Variants in CNBD1 observed in about 807,000 individuals in gnomAD.
CNBD1 encodes the protein cyclic nucleotide binding domain containing 1, also known as cyclic nucleotide-binding domain-containing protein 1.
In CNBD1, 71 loss-of-function variants were observed where a neutral mutation model predicts 54.4. The observed-to-expected ratio is 1.30, with a 90% confidence interval of 1.08 to 1.59. The LOEUF (loss-of-function observed/expected upper bound fraction) is 1.59, where lower values mean the gene tolerates loss of function less well. Among genes scored for constraint, CNBD1 ranks in the 40% most tolerant of loss-of-function variants. The probability of loss-of-function intolerance (pLI) is 0.00; values close to 1 mark genes in which losing one functional copy is unlikely to be tolerated. For missense variants in CNBD1, 659 were observed against 518.0 expected (o/e 1.27, Z -2.64); for synonymous variants, 182 against 170.7 (o/e 1.07, Z -0.51).
At chr8:87,171,894 C>T (rs1813096468) in intron 4 of CNBD1, among the ~76,000 whole-genome samples, 1 of 152,106 alleles carries the variant, frequency 6.6e-6, no homozygotes, top group Non-Finnish European at 1.5e-5. Flanking sequence ...GTTTTGGCCT[C>T]CCAAAGTGCT....
chr8:87,335,736 A>G (rs1178390833), intron 8 of CNBD1, among the ~76,000 whole-genome samples: 5 of 152,176 alleles, frequency 3.3e-5, no homozygotes, highest in African/African-American at 9.7e-5. Flanking sequence ...TGTGAATTTT[A>G]TCATGTCGTC....
chr8:86,900,490 C>G (rs1455832186), intron 2 of CNBD1, among the ~76,000 whole-genome samples: 2 of 152,110 alleles, frequency 1.3e-5, no homozygotes, highest in African/African-American at 4.8e-5. Context: ...AGGCTTCTAG[C>G]CCTGTGATTT....
chr8:87,150,648 G>T (rs999213520), intron 4 of CNBD1, among the ~76,000 whole-genome samples: 2 of 152,122 alleles, frequency 1.3e-5, no homozygotes, highest in African/African-American at 2.4e-5. Context: ...TGAAACAAAA[G>T]GCAGGTCGAT....
intron 10 of CNBD1, among the ~76,000 whole-genome samples, chr8:87,375,880 T>A (rs1810919955): frequency 6.6e-6 from 1 of 151,910 alleles, no homozygotes; most frequent in African/African-American, 2.4e-5. Context: ...ATGTCTGTCT[T>A]TTCCTTTTTT....
chr8:87,293,542 C>CA (rs1395071284), intron 8 of CNBD1, among the ~76,000 whole-genome samples: 3 of 152,142 alleles, frequency 2.0e-5, no homozygotes, highest in Non-Finnish European at 4.4e-5. Context: ...GACTCCATCT[C>CA]AAAAAACAAA....
At chr8:86,955,248 A>C (rs1333872832) in intron 4 of CNBD1, among the ~76,000 whole-genome samples, 2 of 152,010 alleles carry the variant, frequency 1.3e-5, no homozygotes, top group African/African-American at 4.8e-5. Context: ...GACATTTGGG[A>C]TGGTTCCAAG....
intron 2 of CNBD1, among the ~76,000 whole-genome samples, chr8:87,408,959 T>A (rs557715873): frequency 1.3e-5 from 2 of 152,222 alleles, no homozygotes; most frequent in Non-Finnish European, 2.9e-5. Flanking sequence ...GACCTACGTG[T>A]TCCCTAAGGC....
chr8:87,202,373 G>T (rs1172243122), intron 4 of CNBD1, among the ~76,000 whole-genome samples: 2 of 152,142 alleles, frequency 1.3e-5, no homozygotes, highest in Non-Finnish European at 2.9e-5. Context: ...TTATAATATG[G>T]ATCATGGTTA....
Position 87,286,669 on chromosome 8 carries a change from A to T in CNBD1, c.1040A>T (p.His347Leu). Residue 347 changes from histidine to leucine, a missense_variant and splice_region_variant, in exon 8 of 11, where the codon CAT becomes CTT. Transcript: ENST00000518476. ...AAATGGAAAAAATTTCCTCCAGGTC[A>T]TGGTAAGTTTAATGCAATTTAGATC... is the stretch of plus-strand genomic sequence containing the variant. ...LLKWKKFPPG[H>L]VIVESGNIIS... 2 of 1,540,290 alleles carry T rather than the reference A, an allele frequency of 1.3e-6. No individual in the cohort carries two copies. The highest frequency in any genetic ancestry group is 2.4e-5 in the South Asian group (2 of 82,538).
At chr8:87,305,144 A>T (rs1809115030) in intron 8 of CNBD1, among the ~76,000 whole-genome samples, 1 of 152,094 alleles carries the variant, frequency 6.6e-6, no homozygotes, top group South Asian at 2.1e-4. Context: ...CGAGAACTCA[A>T]CACCTTTTAC....
chr8:87,234,201 C>T (rs1225512816), intron 5 of CNBD1, among the ~76,000 whole-genome samples: 1 of 152,124 alleles, frequency 6.6e-6, no homozygotes, highest in Non-Finnish European at 1.5e-5. Flanking sequence ...TCAAAGTCAT[C>T]CTTGAGGGTT....
At chr8:87,010,671 G>C (rs111521334) in intron 4 of CNBD1, among the ~76,000 whole-genome samples, 22 of 152,238 alleles carry the variant, frequency 1.4e-4, no homozygotes, top group African/African-American at 5.1e-4. Flanking sequence ...CTTGAACCTG[G>C]GAGGCAGAGG....
chr8:87,406,100 T>C (rs953254103), intron 2 of CNBD1, among the ~76,000 whole-genome samples: 3 of 152,116 alleles, frequency 2.0e-5, no homozygotes, highest in African/African-American at 4.8e-5. Flanking sequence ...ATTTGAAATA[T>C]GTATTTTCTT....
rs1169056536 is a variant in CNBD1 at position 87,163,753 on chromosome 8, T to C, written c.432-42240T>C. Among the ~76,000 whole-genome samples the C allele has an allele frequency of 1.3e-5, 2 of 151,880 alleles. No individual in the cohort carries two copies. Among genetic ancestry groups the C allele is most frequent in the Non-Finnish European group, 2.9e-5 (2 of 67,900 alleles). On this transcript the variant is annotated intron_variant, in intron 4 of 10. Coordinates refer to ENST00000518476, the MANE Select transcript of CNBD1 (RefSeq NM_173538.3). The surrounding 1 kb of genome is among the most constrained non-coding windows in gnomAD (Gnocchi z 4.5). ...TTTTTAAATATAAGATTATGTCATC[T>C]GCAAAAAGATAATTTTACTTTCTTA...
At chr8:86,997,605 C>T (rs1381481507) in intron 4 of CNBD1, among the ~76,000 whole-genome samples, 1 of 152,132 alleles carries the variant, frequency 6.6e-6, no homozygotes, top group African/African-American at 2.4e-5. Flanking sequence ...AAAAGTGGGG[C>T]ACATTCACTG....
At chr8:86,989,795 A>G (rs13249601) in intron 4 of CNBD1, among the ~76,000 whole-genome samples, 1 of 152,134 alleles carries the variant, frequency 6.6e-6, no homozygotes, top group Admixed American at 6.6e-5. Flanking sequence ...GTACTAATTT[A>G]CAATTCCCAT....
intron 2 of CNBD1, among the ~76,000 whole-genome samples, chr8:86,889,686 A>C (rs1808736635): frequency 6.6e-6 from 1 of 152,150 alleles, no homozygotes; most frequent in Admixed American, 6.6e-5. Context: ...GGATGATATC[A>C]CTTTGGATTT....
At chr8:87,116,353 C>T (rs979180067) in intron 4 of CNBD1, among the ~76,000 whole-genome samples, 1 of 151,684 alleles carries the variant, frequency 6.6e-6, no homozygotes, top group Non-Finnish European at 1.5e-5. Context: ...AGGCATGCAC[C>T]ACCACACCTG....
At chr8:87,090,319 G>C (rs1015512867) in intron 4 of CNBD1, among the ~76,000 whole-genome samples, 1 of 152,100 alleles carries the variant, frequency 6.6e-6, no homozygotes, top group Non-Finnish European at 1.5e-5. Flanking sequence ...TGACTGTCTT[G>C]TGTGGCAAAA....
Sources: allele counts gnomAD v4.1 joint callset (sites outside exome capture counted in the v4.1 genomes callset), GRCh38; gene constraint gnomAD v4.1.1; non-coding constraint Gnocchi (gnomAD v3.1); transcripts MANE v1.5; gene names NCBI Gene and HGNC (gene_info 2026-07-23, HGNC 2026-07-21).